Variants in BUB3 observed in about 807,000 individuals in gnomAD.
The protein encoded by BUB3 is BUB3 mitotic checkpoint protein.
A neutral mutation model predicts 39.9 loss-of-function variants in BUB3; 22 were observed. The observed-to-expected ratio is 0.55, with a 90% CI of 0.39 to 0.79. The LOEUF (loss-of-function observed/expected upper bound fraction) is 0.79. BUB3 is among the 30% of genes least tolerant of loss of function. The pLI is 0.00. For synonymous variants in BUB3, 168 were observed against 155.1 expected (o/e 1.08, Z -0.62); for missense variants, 303 against 415.4 (o/e 0.73, Z 2.35).
chr10:123,162,360 T>C lies in BUB3; in HGVS notation c.701T>C (p.Ile234Thr), dbSNP rs1844436400. The C allele has an allele frequency of 1.2e-6, 2 of 1,614,126 alleles. No individual in the cohort carries two copies. The highest frequency in any genetic ancestry group is 1.7e-6 in the Non-Finnish European group (2 of 1,180,010). The change falls in exon 6 of 8, where the codon ATT (isoleucine) becomes ACT (threonine). Residue 234 changes from isoleucine to threonine, a missense_variant. Around this residue, in one of 2 missense-constraint regions of BUB3, gnomAD observed 182 missense variants for 293.1 expected, o/e 0.62. Transcript: ENST00000368865. Reference sequence around the variant, plus strand: ...CTAAAAGAAAATAATATTGAGCAGATTTACCCAGTCAATGCCATTTCTTTT... The same window carrying C: ...CTAAAAGAAAATAATATTGAGCAGACTTACCCAGTCAATGCCATTTCTTTT... The part of the protein sequence containing the change: ...HRLKENNIEQ[I>T]YPVNAISFHN...
At chr10:123,161,786 TGA>T (rs1467230283) in intron 5 of BUB3, among the ~76,000 whole-genome samples, 1 of 152,226 alleles carries the variant, frequency 6.6e-6, no homozygotes, top group African/African-American at 2.4e-5. Flanking sequence ...GTAGTATGAC[TGA>T]GATGGAAGAC....
intron 4 of BUB3, among the ~76,000 whole-genome samples, chr10:123,160,126 T>C (rs1187274041): frequency 6.6e-6 from 1 of 152,208 alleles, no homozygotes; most frequent in Non-Finnish European, 1.5e-5. Context: ...TTAATTTGTT[T>C]TAGTAATGGA....
At position 123,164,084 on chromosome 10, in the gene BUB3, G is replaced by T; in HGVS notation, c.*249G>T. ...AAACAAAATTGGAGGGCAAGTGACT[G>T]CAGTTTTGAGAATCAGTTTTGACCT... On this transcript the variant is annotated 3_prime_UTR_variant, in exon 8 of 8. Transcript: ENST00000368865. 1 of 1,179,010 alleles carries T rather than the reference G, an allele frequency of 8.5e-7. No individual in the cohort carries two copies. Among genetic ancestry groups the T allele is most frequent in the Admixed American group, 4.6e-5 (1 of 21,866 alleles). 73.0% of individuals were successfully genotyped at this position (1,179,010 alleles called of 1,614,324 possible).
intron 7 of BUB3, chr10:123,163,076 T>C (rs1589691526): frequency 2.2e-6 from 1 of 460,708 alleles, no homozygotes; most frequent in African/African-American, 2.1e-5. Context: ...TTGAATAGGC[T>C]CTATTATTTG....
At chr10:123,163,765 G>T (rs961572601) in intron 7 of BUB3, 55 bp from the exon 8 acceptor site, 25 of 1,495,486 alleles carry the variant, frequency 1.7e-5, no homozygotes, top group Non-Finnish European at 2.2e-5. Context: ...TGTATCTCCT[G>T]TCCTGGCTGG....
chr10:123,157,222 C>T (rs539628067), intron 3 of BUB3, among the ~76,000 whole-genome samples: 1 of 152,364 alleles, frequency 6.6e-6, no homozygotes, highest in East Asian at 1.9e-4. Flanking sequence ...TCCCAGTTCT[C>T]ATAACCCTTT....
Position 123,155,687 on chromosome 10 carries a change from AGATCATC to A in BUB3, c.226_232del (p.Asp76AsnfsTer2). On this transcript the variant is annotated frameshift_variant, in exon 3 of 8. Transcript: ENST00000368865. LOFTEE classifies it high-confidence loss of function. ...CAACGCATGCCTGGAGTGGAGGACT[AGATCATC>A]AATTGAAAATGCATGATTTGAACAC... is the stretch of plus-strand genomic sequence containing the variant. The A allele has an allele frequency of 6.2e-7, 1 of 1,614,180 alleles. No individual in the cohort carries two copies. The highest frequency in any genetic ancestry group is 8.5e-7 in the Non-Finnish European group (1 of 1,180,008).
chr10:123,158,805 A>T (rs955885419), intron 4 of BUB3, among the ~76,000 whole-genome samples: 2 of 152,234 alleles, frequency 1.3e-5, no homozygotes, highest in Non-Finnish European at 2.9e-5. Context: ...GGACAGCCAC[A>T]CTGAATCAAG....
chr10:123,161,898 A>G (rs1844428955), intron 5 of BUB3, among the ~76,000 whole-genome samples: 1 of 152,214 alleles, frequency 6.6e-6, no homozygotes, highest in Admixed American at 6.5e-5. Context: ...AGAAGAATAT[A>G]TTTTAACTGA....
Position 123,164,005 on chromosome 10 carries a change from C to A in BUB3, c.*170C>A. 1 of 1,321,976 alleles carries A rather than the reference C, an allele frequency of 7.6e-7. No individual in the cohort carries two copies. The allele number at this position is 1,321,976 out of a possible 1,614,324, so 81.9% of individuals were successfully genotyped here. ...TGAATTTTTTTTTTTAAATAAACAC[C>A]TTCTTAAGTGCATGAGATGGTTTGA... On this transcript the variant is annotated 3_prime_UTR_variant, in exon 8 of 8. Transcript: ENST00000368865.
chr10:123,162,944 A>G (rs925971852), intron 7 of BUB3, 116 bp downstream of exon 7: 21 of 990,094 alleles, frequency 2.1e-5, no homozygotes, highest in Non-Finnish European at 3.2e-5. Context: ...AGCTGACTGT[A>G]GGGTTGGAGT....
At position 123,162,378 on chromosome 10, in the gene BUB3, T is replaced by C. The variant is rs142203807; in HGVS notation, c.719T>C (p.Ile240Thr). ...NIEQIYPVNA[I>T]SFHNIHNTFA... Reference sequence around the variant, plus strand: ...GAGCAGATTTACCCAGTCAATGCCATTTCTTTTCACAATATCCACAATACA... The same window carrying C: ...GAGCAGATTTACCCAGTCAATGCCACTTCTTTTCACAATATCCACAATACA... Residue 240 changes from isoleucine (I) to threonine (T), a missense_variant, in exon 6 of 8, where the codon ATT becomes ACT. Ile to Thr is a moderately conservative substitution (Grantham distance 89). Coordinates refer to ENST00000368865, the MANE Select transcript of BUB3 (RefSeq NM_004725.4). 10 of 1,614,022 alleles carry C rather than the reference T, an allele frequency of 6.2e-6. No individual in the cohort carries two copies. The highest frequency in any genetic ancestry group is 7.6e-6 in the Non-Finnish European group (9 of 1,180,002).
In BUB3 at chr10:123,155,100, C is replaced by T; in HGVS notation, c.183C>T (p.Asp61=). The change falls in exon 2 of 8, where the codon GAC becomes GAT. Residue 61 remains aspartate, a synonymous_variant. Transcript: ENST00000368865. ...ACCAGCACACCGGCGCCGTCCTGGA[C>T]TGCGCCTTCTACGTAGGTGCCCTCC... ...LKYQHTGAVL[D]CAFYDPTHAW... is the part of the protein sequence containing the mutation. The T allele has an allele frequency of 6.2e-7, 1 of 1,613,904 alleles. No homozygotes were observed. Among genetic ancestry groups the T allele is most frequent in the Non-Finnish European group, 8.5e-7 (1 of 1,179,944 alleles).
Position 123,157,993 on chromosome 10 carries a change from G to A in BUB3, c.417+113G>A, listed in dbSNP as rs1381179067. The A allele has an allele frequency of 8.7e-6, 10 of 1,151,464 alleles. No homozygotes were observed. The African/African-American group carries it at 1.4e-4, about 16-fold the overall frequency. 71.3% of individuals were successfully genotyped at this position (1,151,464 alleles called of 1,614,324 possible). A position where few individuals can be genotyped will look rare whatever the true frequency, so the allele number is the denominator to read the frequency against. On this transcript the variant is annotated intron_variant, in intron 4 of 7. Coordinates refer to ENST00000368865, the MANE Select transcript of BUB3 (RefSeq NM_004725.4). ...TAAAGGTGAAAAGTCAACATGGGGGGAAAAAAGGTTGACAGTTGGTTTTAT... is the reference window on the plus strand; with the variant it reads ...TAAAGGTGAAAAGTCAACATGGGGGAAAAAAAGGTTGACAGTTGGTTTTAT...
At position 123,156,753 on chromosome 10, in the gene BUB3, G is replaced by GTTTTTTTTTTTTTTTTTTTTTTTT. The variant is rs756642442; in HGVS notation, c.266-965_266-964insTTTTTTTTTTTTTTTTTTTTTTTT. Among the ~76,000 whole-genome samples, 11 of 135,114 alleles carry GTTTTTTTTTTTTTTTTTTTTTTTT rather than the reference G, an allele frequency of 8.1e-5. 1 individual carries two copies. Among genetic ancestry groups the GTTTTTTTTTTTTTTTTTTTTTTTT allele is most frequent in the East Asian group, 5.0e-4 (2 of 3,990 alleles). The allele number at this position is 135,114 out of a possible 152,430, so 88.6% of individuals were successfully genotyped here. A position where few individuals can be genotyped will look rare whatever the true frequency, so the allele number is the denominator to read the frequency against. On this transcript the variant is annotated intron_variant, in intron 3 of 7. Transcript: ENST00000368865. ...ATGAAATCCTTTCTTTTTCTTTCTT[G>GTTTTTTTTTTTTTTTTTTTTTTTT]TTTTTTTTTTTGAGCTAGAGTCTCA...
chr10:123,164,853 C>T lies in BUB3; in HGVS notation c.*1018C>T. The T allele has an allele frequency of 7.4e-7, 1 of 1,354,192 alleles. No homozygotes were observed. Among genetic ancestry groups the T allele is most frequent in the South Asian group, 2.1e-5 (1 of 48,624 alleles). 83.9% of individuals were successfully genotyped at this position (1,354,192 alleles called of 1,614,324 possible). A position where few individuals can be genotyped will look rare whatever the true frequency, so the allele number is the denominator to read the frequency against. ...TCCAAATAGTATTTTTGTTGTCAAACTTTAAAATTTATATTAATTTGCAAA... is the reference window on the plus strand; with the variant it reads ...TCCAAATAGTATTTTTGTTGTCAAATTTTAAAATTTATATTAATTTGCAAA... On this transcript the variant is annotated 3_prime_UTR_variant, in exon 8 of 8. Transcript: ENST00000368865.
At position 123,165,068 on chromosome 10, in the gene BUB3, A is replaced by G. The variant is rs368167736; in HGVS notation, c.*1233A>G. 10 of 1,611,694 alleles carry G rather than the reference A, an allele frequency of 6.2e-6. No individual in the cohort carries two copies. The African/African-American group carries it at 1.2e-4, about 19-fold the overall frequency. On this transcript the variant is annotated 3_prime_UTR_variant, in exon 8 of 8. Coordinates refer to ENST00000368865, the MANE Select transcript of BUB3 (RefSeq NM_004725.4). ...GCAGGTCCACCTAATCATCCTGTGA[A>G]AGTGGTTTCTCTATGGAAAGCTTTG...
At position 123,167,104 on chromosome 10, in the gene BUB3, A is replaced by G. The variant is rs1844502270; in HGVS notation, c.*3269A>G. On this transcript the variant is annotated 3_prime_UTR_variant, in exon 8 of 8. Transcript: ENST00000368865. ...GTTTAACTCAGTTTTCCCCAAATTC[A>G]TTTAAGCCGGTTCTACTTTTTCTGG... The G allele has an allele frequency of 6.6e-6, 1 of 152,196 alleles. No homozygotes were observed. Among genetic ancestry groups the G allele is most frequent in the African/African-American group, 2.4e-5 (1 of 41,448 alleles). The allele number at this position is 152,196 out of a possible 1,614,324, so 9.4% of individuals were successfully genotyped here.
chr10:123,166,045 T>C lies in BUB3; in HGVS notation c.*2210T>C, dbSNP rs192467134. 4 of 152,326 alleles carry C rather than the reference T, an allele frequency of 2.6e-5. No homozygotes were observed. The highest frequency in any genetic ancestry group is 5.9e-5 in the Non-Finnish European group (4 of 68,036). 9.4% of individuals were successfully genotyped at this position (152,326 alleles called of 1,614,324 possible). ...TTGTGGTTCCATCTGGATGTCCTCTTGTCTCTGGAAATCAAGTGTGCCTCC... is the reference window on the plus strand; with the variant it reads ...TTGTGGTTCCATCTGGATGTCCTCTCGTCTCTGGAAATCAAGTGTGCCTCC... On this transcript the variant is annotated 3_prime_UTR_variant, in exon 8 of 8. Coordinates refer to ENST00000368865, the MANE Select transcript of BUB3 (RefSeq NM_004725.4).
Sources: gnomAD v4.1 joint callset for allele counts (sites outside exome capture counted in the v4.1 genomes callset) on GRCh38, gnomAD v4.1.1 for gene constraint, gnomAD v4.1.1 regional missense constraint, MANE v1.5 for transcripts, NCBI Gene and HGNC (gene_info 2026-07-23, HGNC 2026-07-21) for gene names.